Variants in GAN observed in about 807,000 individuals in gnomAD.
GAN encodes the protein epididymis secretory sperm binding protein.
In GAN, 48 loss-of-function variants were observed where a neutral mutation model predicts 71.3. The ratio of observed to expected loss-of-function variants is 0.67; its 90% CI spans 0.53 to 0.86. GAN has a LOEUF of 0.86. GAN is among the 40% of genes least tolerant of loss of function. GAN has a pLI of 0.00. For missense variants in GAN, 928 were observed against 770.1 expected, an observed-to-expected ratio of 1.21 and a Z score of -2.43; for synonymous variants, 386 against 276.8, an observed-to-expected ratio of 1.39 and a Z score of -3.92.
rs1904360136 is a variant in GAN at position 81,385,034 on chromosome 16, G to C, written c.*7438G>C. ...CATTTCTAAAAGCCTGGCATATTTG[G>C]TATAACTTAAGCACCAGGTAAAATC... On this transcript the variant is annotated 3_prime_UTR_variant, in exon 11 of 11. Coordinates refer to ENST00000648994, the MANE Select transcript of GAN (RefSeq NM_022041.4). 6.5e-6 allele frequency: 1 copy of C among 154,266 alleles called. No homozygotes were observed. The highest frequency in any genetic ancestry group is 2.4e-5 in the African/African-American group (1 of 41,504). The allele number at this position is 154,266 out of a possible 1,614,324, so 9.6% of individuals were successfully genotyped here.
At chr16:81,323,459 A>G (rs1414231516) in intron 1 of GAN, among the ~76,000 whole-genome samples, 2 of 152,214 alleles carry the variant, frequency 1.3e-5, no homozygotes, top group Non-Finnish European at 2.9e-5. Context: ...CACTGTCATA[A>G]TAAGTCTTGG....
At chr16:81,373,297 A>G (rs1567499578) in intron 9 of GAN, among the ~76,000 whole-genome samples, 1 of 152,200 alleles carries the variant, frequency 6.6e-6, no homozygotes, top group Non-Finnish European at 1.5e-5. Context: ...GACCATTTAG[A>G]TGCATTCCCA....
chr16:81,367,450 A>T (rs1374362903), intron 9 of GAN, among the ~76,000 whole-genome samples: 2 of 151,882 alleles, frequency 1.3e-5, no homozygotes, highest in African/African-American at 4.8e-5. Context: ...AATTGGTTGA[A>T]CCCAGGAGGT....
chr16:81,369,981 C>G (rs1332888540), intron 9 of GAN, among the ~76,000 whole-genome samples: 2 of 152,196 alleles, frequency 1.3e-5, no homozygotes, highest in African/African-American at 2.4e-5. Context: ...AATGTTGTAT[C>G]TTTATGAGGC....
chr16:81,325,776 G>A (rs180921946), intron 1 of GAN, among the ~76,000 whole-genome samples: 1 of 152,332 alleles, frequency 6.6e-6, no homozygotes, highest in African/African-American at 2.4e-5. Context: ...TGGCTGCCTA[G>A]GGAAAGTGGG....
Position 81,315,204 on chromosome 16 carries a change from G to C in GAN, c.91G>C (p.Asp31His), listed in dbSNP as rs1176204049. The C allele has an allele frequency of 1.3e-6, 2 of 1,579,358 alleles. No homozygotes were observed. Among genetic ancestry groups the C allele is most frequent in the South Asian group, 2.3e-5 (2 of 86,166 alleles). ...TTTCCGCGAGGAGTCTCGCTTCTGC[G>C]ACGCGCACCTGGTCCTCGACGGGGA... ...SSFREESRFCDAHLVLDGEEI... is the reference protein window; with the variant it reads ...SSFREESRFCHAHLVLDGEEI... The change falls in exon 1 of 11, where the codon GAC (aspartate) becomes CAC (histidine). Residue 31 changes from aspartate (D) to histidine (H), a missense_variant. Coordinates refer to ENST00000648994, the MANE Select transcript of GAN (RefSeq NM_022041.4).
At chr16:81,364,796 C>G (rs911284031) in intron 7 of GAN, among the ~76,000 whole-genome samples, 178 bp from the exon 8 acceptor site, 49 of 152,190 alleles carry the variant, frequency 3.2e-4, no homozygotes, top group African/African-American at 1.4e-4. Context: ...ATGTGTCTTA[C>G]TTTGCTCTTC....
rs757785901 is a variant in GAN at position 81,377,385 on chromosome 16, T to G, written c.1613-30T>G. The G allele has an allele frequency of 2.5e-6, 4 of 1,608,296 alleles. No homozygotes were observed. The South Asian group carries it at 4.4e-5, about 18-fold the overall frequency. ...GTTTCCTGGTGATTCTGGGTACATT[T>G]TCTCACCCTTGCTTATTTCTGTGGC... On this transcript the variant is annotated intron_variant, in intron 10 of 10. Coordinates refer to ENST00000648994, the MANE Select transcript of GAN (RefSeq NM_022041.4).
rs1261603491 is a variant in GAN, at chr16:81,390,150, T to TA, written c.*12557dup. ...AGGGATTTGCAATGAAAATCATAGC[T>TA]AAATAGGCAGGTTTAGAAAGTTCAA... On this transcript the variant is annotated 3_prime_UTR_variant, in exon 11 of 11. Coordinates refer to ENST00000648994, the MANE Select transcript of GAN (RefSeq NM_022041.4). The TA allele has an allele frequency of 2.0e-5, 3 of 152,318 alleles. No homozygotes were observed. In the East Asian group the frequency reaches 5.8e-4, roughly 29 times the overall value. 9.4% of individuals were successfully genotyped at this position (152,318 alleles called of 1,614,324 possible).
At chr16:81,315,386 C>A in intron 1 of GAN, 106 bp downstream of exon 1, 1 of 748,868 alleles carries the variant, frequency 1.3e-6, no homozygotes, top group Non-Finnish European at 1.8e-6. Context: ...GTCCCCGGCG[C>A]CGGGGTCCCC....
rs1003197866 is a variant in GAN at position 81,368,074 on chromosome 16, G to A, written c.1502+2596G>A. ...GTAATCTCTTGTCTTTCCTGTCTTT[G>A]TTCCCTATTTTTAGGTTAAAACTTT... is the stretch of plus-strand genomic sequence containing the variant. On this transcript the variant is annotated intron_variant, in intron 9 of 10. Coordinates refer to ENST00000648994, the MANE Select transcript of GAN (RefSeq NM_022041.4). Among the ~76,000 whole-genome samples, 5 of 152,078 alleles carry A rather than the reference G, an allele frequency of 3.3e-5. 1 individual carries two copies. The East Asian group carries it at 7.7e-4, about 24-fold the overall frequency.
chr16:81,351,801 C>T, intron 2 of GAN, 104 bp downstream of exon 2: 1 of 749,816 alleles, frequency 1.3e-6, no homozygotes, highest in Non-Finnish European at 2.5e-6. Flanking sequence ...CTGTCATCTT[C>T]ATCTTCTGTC....
At chr16:81,334,091 T>C (rs1451852657) in intron 1 of GAN, among the ~76,000 whole-genome samples, 1 of 152,262 alleles carries the variant, frequency 6.6e-6, no homozygotes, top group African/African-American at 2.4e-5. Flanking sequence ...CAAAGATACA[T>C]AATTGCTATT....
chr16:81,350,435 A>G (rs1299018185), intron 1 of GAN, among the ~76,000 whole-genome samples: 3 of 152,194 alleles, frequency 2.0e-5, no homozygotes, highest in Non-Finnish European at 4.4e-5. Context: ...AGCGCCACCT[A>G]CTATGGAGAA....
At position 81,387,375 on chromosome 16, in the gene GAN, G is replaced by A. The variant is rs1440136363; in HGVS notation, c.*9779G>A. 2 of 152,090 alleles carry A rather than the reference G, an allele frequency of 1.3e-5. No individual in the cohort carries two copies. Among genetic ancestry groups the A allele is most frequent in the African/African-American group, 2.4e-5 (1 of 41,382 alleles). The allele number at this position is 152,090 out of a possible 1,614,324, so 9.4% of individuals were successfully genotyped here. The stretch of plus-strand genomic sequence containing the variant: ...CGTAGGTGGGTAGCCTTGCTGATGG[G>A]GCACGTCGTCACCAAGGGACCTGAT... On this transcript the variant is annotated 3_prime_UTR_variant, in exon 11 of 11. Coordinates refer to ENST00000648994, the MANE Select transcript of GAN (RefSeq NM_022041.4).
chr16:81,383,484 A>G lies in GAN; in HGVS notation c.*5888A>G, dbSNP rs2150702299. On this transcript the variant is annotated 3_prime_UTR_variant, in exon 11 of 11. Coordinates refer to ENST00000648994, the MANE Select transcript of GAN (RefSeq NM_022041.4). ...AGCCAGCATGGTCTCGATCTCCTAA[A>G]CTTCGTGATCCGCCCGCCTCAGCCT... 6.7e-6 allele frequency: 1 copy of G among 149,568 alleles called. No individual in the cohort carries two copies. Among genetic ancestry groups the G allele is most frequent in the South Asian group, 2.1e-4 (1 of 4,706 alleles). The allele number at this position is 149,568 out of a possible 1,614,324, so 9.3% of individuals were successfully genotyped here. A position where few individuals can be genotyped will look rare whatever the true frequency, so the allele number is the denominator to read the frequency against.
intron 1 of GAN, among the ~76,000 whole-genome samples, chr16:81,330,643 A>G (rs1909545042): frequency 1.3e-5 from 2 of 152,272 alleles, no homozygotes. Context: ...GAAGTACCAC[A>G]GTTATTGTTG....
intron 9 of GAN, among the ~76,000 whole-genome samples, chr16:81,370,692 C>A (rs963188514): frequency 6.6e-6 from 1 of 152,250 alleles, no homozygotes; most frequent in South Asian, 2.1e-4. Context: ...CAGCCGACAG[C>A]GGCATAGTGG....
intron 1 of GAN, among the ~76,000 whole-genome samples, chr16:81,328,478 A>G (rs1364793458): frequency 6.6e-6 from 1 of 152,242 alleles, no homozygotes; most frequent in Non-Finnish European, 1.5e-5. Context: ...TAAACAAATC[A>G]GAAAAAGAGT....
Sources: gnomAD v4.1 joint callset for allele counts (sites outside exome capture counted in the v4.1 genomes callset) on GRCh38, gnomAD v4.1.1 for gene constraint, MANE v1.5 for transcripts, NCBI Gene and HGNC (gene_info 2026-07-23, HGNC 2026-07-21) for gene names.